MYOF: variants seen among roughly 807,000 people sequenced by gnomAD.
The protein encoded by MYOF is myoferlin.
In MYOF, 244 loss-of-function variants were observed where a neutral mutation model predicts 284.2. That is an observed-to-expected ratio of 0.86 (90% confidence interval 0.77 to 0.95). MYOF has a LOEUF of 0.95. Among genes scored for constraint, MYOF ranks in the 40% least tolerant of loss-of-function variants. MYOF has a pLI of 0.00. For missense variants in MYOF, 2,496 were observed against 2,560.6 expected, an observed-to-expected ratio of 0.97 and a Z score of 0.54; for synonymous variants, 904 against 919.7, an observed-to-expected ratio of 0.98 and a Z score of 0.31.
chr10:93,469,490 A>C (rs1334984285), intron 1 of MYOF, among the ~76,000 whole-genome samples: 2 of 152,156 alleles, frequency 1.3e-5, no homozygotes, highest in African/African-American at 4.8e-5. Context: ...AAGCCATCAT[A>C]ATGTGTCCAA....
At chr10:93,423,555 C>T (rs184070314) in intron 5 of MYOF, among the ~76,000 whole-genome samples, 1,496 of 132,626 alleles carry the variant, frequency 0.011, 43 homozygotes, top group African/African-American at 0.04. Context: ...AAAAAAAAGC[C>T]GAGTGCAGTG....
chr10:93,379,663 G>A (rs1198572248), intron 21 of MYOF, among the ~76,000 whole-genome samples, 200 bp downstream of exon 21: 1 of 152,046 alleles, frequency 6.6e-6, no homozygotes, highest in African/African-American at 2.4e-5. Flanking sequence ...AGCAACCGGG[G>A]GTAAGAGCCT....
At chr10:93,423,995 T>C (rs1296674876) in intron 5 of MYOF, among the ~76,000 whole-genome samples, 1 of 151,586 alleles carries the variant, frequency 6.6e-6, no homozygotes, top group African/African-American at 2.4e-5. Context: ...GGGTGACGCA[T>C]CTACAAGCCA....
chr10:93,478,857 A>AAAGAAAGAAAGAAAGG (rs1554875987), intron 1 of MYOF, among the ~76,000 whole-genome samples: 115 of 150,842 alleles, frequency 7.6e-4, no homozygotes, highest in African/African-American at 2.7e-3. Context: ...AGAAAGAAAG[A>AAAGAAAGAAAGAAAGG]AAGGGTTTGA....
At chr10:93,385,537 T>C (rs1846322424) in intron 19 of MYOF, among the ~76,000 whole-genome samples, 1 of 152,266 alleles carries the variant, frequency 6.6e-6, no homozygotes, top group African/African-American at 2.4e-5. Flanking sequence ...GTAGGTTGAC[T>C]GCATTCGTTA....
intron 21 of MYOF, among the ~76,000 whole-genome samples, chr10:93,378,691 G>GTGTGTGTA (rs1554849962): frequency 2.4e-5 from 1 of 42,256 alleles, no homozygotes; most frequent in Non-Finnish European, 4.5e-5. Flanking sequence ...ATGTGTGTGT[G>GTGTGTGTA]TGTATATATA....
chr10:93,386,726 A>G (rs1183701163), intron 19 of MYOF, among the ~76,000 whole-genome samples: 1 of 152,218 alleles, frequency 6.6e-6, no homozygotes, highest in Non-Finnish European at 1.5e-5. Flanking sequence ...CTGGGAGTCA[A>G]TGAGCAAGGC....
chr10:93,320,320 C>T (rs1842797500), intron 48 of MYOF, among the ~76,000 whole-genome samples: 1 of 152,146 alleles, frequency 6.6e-6, no homozygotes, highest in African/African-American at 2.4e-5. Context: ...ATTTTGGGTA[C>T]AATGAAGCCT....
intron 49 of MYOF, among the ~76,000 whole-genome samples, chr10:93,319,177 C>T (rs940378542): frequency 1.3e-5 from 2 of 152,206 alleles, no homozygotes. Context: ...GGGCTTCGCT[C>T]TTCTCTTTCT....
rs546971591 is a variant in MYOF at position 93,306,974 on chromosome 10, G to C, written c.6175C>G (p.Pro2059Ala). The part of the protein sequence containing the change: ...PNYLSMKIVK[P>A]NV The stretch of plus-strand genomic sequence containing the variant: ...AGCCTTTGCCTTTGTTACACATTTG[G>C]CTTTACAATCTTCATTGACAAATAG... The change falls in exon 54 of 54, where the codon CCA becomes GCA. Residue 2059 changes from proline (P) to alanine (A), a missense_variant. Pro to Ala is a conservative substitution (Grantham distance 27). Coordinates refer to ENST00000359263, the MANE Select transcript of MYOF (RefSeq NM_013451.4). The C allele has an allele frequency of 1.2e-6, 2 of 1,612,784 alleles. No individual in the cohort carries two copies. Among genetic ancestry groups the C allele is most frequent in the African/African-American group, 2.7e-5 (2 of 74,932 alleles).
At chr10:93,370,911 A>T (rs1349585843) in intron 24 of MYOF, among the ~76,000 whole-genome samples, 3 of 152,220 alleles carry the variant, frequency 2.0e-5, no homozygotes, top group African/African-American at 7.2e-5. Context: ...ACTCCAAGGA[A>T]AATAACTCTT....
At chr10:93,328,642 G>A (rs959437984) in intron 45 of MYOF, 121 bp downstream of exon 45, 2 of 1,007,754 alleles carry the variant, frequency 2.0e-6, no homozygotes, top group Non-Finnish European at 2.8e-6. Context: ...TTAGTGTCAC[G>A]TGCACAGTCT....
At chr10:93,471,593 A>T (rs1472756906) in intron 1 of MYOF, among the ~76,000 whole-genome samples, 1 of 152,160 alleles carries the variant, frequency 6.6e-6, no homozygotes, top group Non-Finnish European at 1.5e-5. Context: ...CCTACTTCCT[A>T]AAAACGAAAT....
Position 93,310,088 on chromosome 10 carries a change from C to T in MYOF, c.6079G>A (p.Val2027Ile). The change falls in exon 53 of 54, where the codon GTC (valine) becomes ATC (isoleucine). Residue 2027 changes from valine to isoleucine, a missense_variant. Physicochemically the swap from Val to Ile is conservative, Grantham distance 29. Coordinates refer to ENST00000359263, the MANE Select transcript of MYOF (RefSeq NM_013451.4). ...AGCAGGAACAGCAAGCCGATGATGA[C>T]CCACTTAAAGCGGCGCCACACGATG... ...KFIVWRRFKW[V>I]IIGLLFLLIL... 6.2e-7 allele frequency: 1 copy of T among 1,614,112 alleles called. No homozygotes were observed. The highest frequency in any genetic ancestry group is 8.5e-7 in the Non-Finnish European group (1 of 1,180,028).
At chr10:93,308,936 T>C (rs1480178246) in intron 53 of MYOF, among the ~76,000 whole-genome samples, 4 of 152,202 alleles carry the variant, frequency 2.6e-5, no homozygotes, top group South Asian at 4.1e-4. Flanking sequence ...AGTCTTGAAC[T>C]CCTGACCTCA....
rs1847745650 is a variant in MYOF, at chr10:93,408,654, A to T, written c.729+133T>A. 13 of 1,225,848 alleles carry T rather than the reference A, an allele frequency of 1.1e-5. No homozygotes were observed. The Middle Eastern group carries it at 7.3e-4, about 69-fold the overall frequency. 75.9% of individuals were successfully genotyped at this position (1,225,848 alleles called of 1,614,324 possible). On this transcript the variant is annotated intron_variant, in intron 7 of 53. Coordinates refer to ENST00000359263, the MANE Select transcript of MYOF (RefSeq NM_013451.4). ...TTTTCCAAGACCCTGCCATGCGTTC[A>T]CATGGTCACACCTAGTTTTGTTCCT...
At chr10:93,366,284 G>A in intron 26 of MYOF, 108 bp downstream of exon 26, 2 of 1,148,572 alleles carry the variant, frequency 1.7e-6, no homozygotes, top group Non-Finnish European at 2.5e-6. Flanking sequence ...CTGCTCAGTG[G>A]GTGTTACATA....
intron 3 of MYOF, among the ~76,000 whole-genome samples, chr10:93,435,557 G>A (rs562903379): frequency 2.0e-5 from 3 of 152,312 alleles, no homozygotes; most frequent in South Asian, 2.1e-4. Flanking sequence ...GCAAACAAGT[G>A]GATTGAAGCA....
At chr10:93,436,697 G>T (rs1209642714) in intron 3 of MYOF, among the ~76,000 whole-genome samples, 4 of 152,130 alleles carry the variant, frequency 2.6e-5, no homozygotes, top group Non-Finnish European at 5.9e-5. Context: ...TTTCTGTGAC[G>T]TTGCCTGGAT....
Sources: allele counts gnomAD v4.1 joint callset (sites outside exome capture counted in the v4.1 genomes callset), GRCh38; gene constraint gnomAD v4.1.1; transcripts MANE v1.5; gene names NCBI Gene and HGNC (gene_info 2026-07-23, HGNC 2026-07-21).